Variants in RABGAP1L observed in about 807,000 individuals in gnomAD.
RABGAP1L encodes RAB GTPase activating protein 1 like.
A neutral mutation model predicts 137.7 loss-of-function variants in RABGAP1L; 63 were observed. The observed-to-expected ratio is 0.46, with a 90% CI of 0.37 to 0.56. The LOEUF is 0.56. RABGAP1L is among the 20% of genes least tolerant of loss of function. RABGAP1L has a pLI of 0.00. For missense variants in RABGAP1L, 1,095 were observed against 1,244.0 expected (o/e 0.88, Z 1.80); for synonymous variants, 431 against 433.7 (o/e 0.99, Z 0.08).
intron 13 of RABGAP1L, among the ~76,000 whole-genome samples, chr1:174,573,132 C>T (rs1035158338): frequency 6.6e-6 from 1 of 151,806 alleles, no homozygotes; most frequent in African/African-American, 2.4e-5. Context: ...TATATGTATA[C>T]ACTATTTATG....
chr1:174,941,686 G>GAAACAAAACA (rs140349820), intron 19 of RABGAP1L, among the ~76,000 whole-genome samples: 1 of 150,284 alleles, frequency 6.7e-6, no homozygotes, highest in Admixed American at 6.6e-5. Context: ...CCACCAAAAC[G>GAAACAAAACA]AAACAAAACA....
intron 17 of RABGAP1L, among the ~76,000 whole-genome samples, chr1:174,738,177 C>A (rs1033056743): frequency 1.3e-5 from 2 of 152,052 alleles, no homozygotes; most frequent in Non-Finnish European, 2.9e-5. Context: ...GGTCAGTTGG[C>A]CATCTGAGAG....
At chr1:174,538,146 G>A (rs946688577) in intron 13 of RABGAP1L, among the ~76,000 whole-genome samples, 1 of 152,008 alleles carries the variant, frequency 6.6e-6, no homozygotes, top group Non-Finnish European at 1.5e-5. Context: ...ACCCTGCTTT[G>A]GGAAAACCAT....
chr1:174,579,377 A>G lies in RABGAP1L; in HGVS notation c.1711-57998A>G, dbSNP rs896135467. Among the ~76,000 whole-genome samples the G allele has an allele frequency of 3.9e-5, 6 of 152,246 alleles. No homozygotes were observed. The South Asian group carries it at 1.2e-3, about 32-fold the overall frequency. The stretch of plus-strand genomic sequence containing the variant: ...GGGAGTCCACAAGAGTTTATATTTT[A>G]TTCTTTTGTCTGAGGGTCCTTGAAT... On this transcript the variant is annotated intron_variant, in intron 13 of 25. Transcript: ENST00000681986.
At chr1:174,244,162 G>C (rs148953893) in intron 5 of RABGAP1L, 1 of 152,206 alleles carries the variant, frequency 6.6e-6, no homozygotes, top group Non-Finnish European at 1.5e-5. Flanking sequence ...ACCTTTAGTC[G>C]TTAGTATTTG....
At chr1:174,636,582 T>C (rs927037376) in intron 13 of RABGAP1L, among the ~76,000 whole-genome samples, 14 of 152,082 alleles carry the variant, frequency 9.2e-5, no homozygotes, top group African/African-American at 3.4e-4. Context: ...CTTCCTGTTT[T>C]GTGGAATCAG....
At chr1:174,588,699 A>G (rs1212316116) in intron 13 of RABGAP1L, among the ~76,000 whole-genome samples, 3 of 152,070 alleles carry the variant, frequency 2.0e-5, no homozygotes, top group Non-Finnish European at 2.9e-5. Flanking sequence ...ATGAGTGAGA[A>G]GATTGTCTTT....
At chr1:174,574,383 TA>T (rs1187436348) in intron 13 of RABGAP1L, among the ~76,000 whole-genome samples, 2 of 152,226 alleles carry the variant, frequency 1.3e-5, no homozygotes, top group African/African-American at 4.8e-5. Flanking sequence ...TAGTTTTTTT[TA>T]ATCGATTTAC....
At chr1:174,861,793 T>C (rs1218904507) in intron 19 of RABGAP1L, among the ~76,000 whole-genome samples, 1 of 152,178 alleles carries the variant, frequency 6.6e-6, no homozygotes, top group African/African-American at 2.4e-5. Context: ...ATTTTTAAAT[T>C]GGGTTATTTG....
intron 14 of RABGAP1L, among the ~76,000 whole-genome samples, chr1:174,641,106 A>T (rs1264146037): frequency 6.6e-6 from 1 of 151,518 alleles, no homozygotes; most frequent in Non-Finnish European, 1.5e-5. Context: ...TACACTGGAG[A>T]TATAATATGC....
At chr1:174,898,965 A>C (rs532955205) in intron 19 of RABGAP1L, among the ~76,000 whole-genome samples, 3 of 152,182 alleles carry the variant, frequency 2.0e-5, no homozygotes, top group Non-Finnish European at 4.4e-5. Flanking sequence ...AGGTAGTGCT[A>C]AATCCTCTGG....
chr1:174,639,304 A>G (rs1674333695), intron 14 of RABGAP1L, among the ~76,000 whole-genome samples: 1 of 152,166 alleles, frequency 6.6e-6, no homozygotes, highest in African/African-American at 2.4e-5. Flanking sequence ...ATCTGAGAGT[A>G]TACTGATCTT....
intron 13 of RABGAP1L, among the ~76,000 whole-genome samples, chr1:174,597,752 A>G (rs1670076818): frequency 6.6e-6 from 1 of 151,468 alleles, no homozygotes; most frequent in African/African-American, 2.4e-5. Flanking sequence ...CATCTTAGTT[A>G]TTTCTTTGTT....
At chr1:174,386,685 C>T (rs944279567) in intron 12 of RABGAP1L, among the ~76,000 whole-genome samples, 1 of 151,698 alleles carries the variant, frequency 6.6e-6, no homozygotes, top group East Asian at 1.9e-4. Flanking sequence ...TTTTTTGTAT[C>T]TTTAGTAGAG....
chr1:174,913,320 T>C (rs149192201), intron 19 of RABGAP1L, among the ~76,000 whole-genome samples: 3 of 152,286 alleles, frequency 2.0e-5, no homozygotes, highest in Non-Finnish European at 4.4e-5. Flanking sequence ...ACAATATAAC[T>C]ATACAGATTT....
intron 17 of RABGAP1L, among the ~76,000 whole-genome samples, chr1:174,730,822 C>T (rs926005637): frequency 4.6e-5 from 7 of 152,022 alleles, no homozygotes; most frequent in Admixed American, 2.0e-4. Flanking sequence ...AATGACTTCT[C>T]AGAAATGTAT....
In RABGAP1L at chr1:174,516,166, C is replaced by CACACACAT. The variant is rs1553319718; in HGVS notation, c.1711-121209_1711-121208insACACACAT. ...ACACACACACACACACACACACACA[C>CACACACAT]GCTTTGAGATAGGGTCTCGCTCTGT... On this transcript the variant is annotated intron_variant, in intron 13 of 25. Transcript: ENST00000681986. 3.3e-3 allele frequency among the ~76,000 whole-genome samples: 488 copies of CACACACAT among 149,852 alleles called. 10 individuals carry two copies. The highest frequency in any genetic ancestry group is 0.012 in the African/African-American group (464 of 40,182).
chr1:174,252,833 C>G (rs965543079), intron 7 of RABGAP1L, among the ~76,000 whole-genome samples: 8 of 152,252 alleles, frequency 5.3e-5, no homozygotes, highest in Non-Finnish European at 7.4e-5. Flanking sequence ...TGGGTTTGTT[C>G]ACATCTTTTT....
intron 19 of RABGAP1L, among the ~76,000 whole-genome samples, chr1:174,852,112 A>T (rs1356924242): frequency 2.0e-5 from 3 of 152,158 alleles, no homozygotes; most frequent in Non-Finnish European, 4.4e-5. Flanking sequence ...GAAAGCTATT[A>T]TTTACTTTTT....
Sources: gnomAD v4.1 joint callset for allele counts (sites outside exome capture counted in the v4.1 genomes callset) on GRCh38, gnomAD v4.1.1 for gene constraint, MANE v1.5 for transcripts, NCBI Gene and HGNC (gene_info 2026-07-23, HGNC 2026-07-21) for gene names.